The following DNAJC12 variants were observed in gnomAD, a reference collection of about 807,000 sequenced individuals.
DNAJC12 encodes dnaJ homolog subfamily C member 12.
In DNAJC12, 25 loss-of-function variants were observed where a neutral mutation model predicts 28.5. The ratio of observed to expected loss-of-function variants is 0.88; its 90% CI spans 0.64 to 1.22. The LOEUF (loss-of-function observed/expected upper bound fraction) is 1.22, where lower values mean the gene tolerates loss of function less well. Ranked by LOEUF, DNAJC12 falls within the 50% of genes most tolerant of loss-of-function variation. DNAJC12 has a pLI of 0.00. For missense variants in DNAJC12, 222 were observed against 231.7 expected (o/e 0.96, Z 0.27); for synonymous variants, 77 against 80.6 (o/e 0.95, Z 0.24).
At chr10:67,837,857 A>T (rs1842154643) in intron 1 of DNAJC12, 77 bp downstream of exon 1, 2 of 1,158,450 alleles carry the variant, frequency 1.7e-6, no homozygotes, top group African/African-American at 1.6e-5. Flanking sequence ...ATTCAAAGTT[A>T]AAACCTTAAA....
intron 2 of DNAJC12, among the ~76,000 whole-genome samples, chr10:67,817,024 AT>A (rs1415317200): frequency 1.3e-5 from 2 of 151,736 alleles, no homozygotes; most frequent in Non-Finnish European, 2.9e-5. Flanking sequence ...AGGGGAAGGG[AT>A]TTCTGGTGGC....
At chr10:67,807,208 C>T (rs1457100709) in intron 3 of DNAJC12, among the ~76,000 whole-genome samples, 1 of 151,918 alleles carries the variant, frequency 6.6e-6, no homozygotes, top group Non-Finnish European at 1.5e-5. Flanking sequence ...TTGCAGTGAG[C>T]TGGTATCGCA....
At chr10:67,829,249 A>G (rs1299582060) in intron 1 of DNAJC12, among the ~76,000 whole-genome samples, 4 of 152,178 alleles carry the variant, frequency 2.6e-5, no homozygotes, top group Non-Finnish European at 5.9e-5. Context: ...CAAGCCTCTG[A>G]TAAACTCTCC....
intron 4 of DNAJC12, among the ~76,000 whole-genome samples, chr10:67,798,220 G>A (rs995531920): frequency 6.6e-6 from 1 of 151,830 alleles, no homozygotes; most frequent in Non-Finnish European, 1.5e-5. Context: ...AATGAAAGCT[G>A]GTTAAAAGGT....
chr10:67,799,190 A>T (rs2131785650), intron 4 of DNAJC12, among the ~76,000 whole-genome samples: 1 of 152,354 alleles, frequency 6.6e-6, no homozygotes, highest in East Asian at 1.9e-4. Flanking sequence ...ACAGAATAAT[A>T]TATAAAATAC....
intron 4 of DNAJC12, among the ~76,000 whole-genome samples, chr10:67,800,601 G>A (rs1361620667): frequency 6.6e-6 from 1 of 152,156 alleles, no homozygotes; most frequent in South Asian, 2.1e-4. Flanking sequence ...GCAATGCCTA[G>A]GAAGGTAGTG....
chr10:67,827,337 A>C (rs915912202), intron 1 of DNAJC12, among the ~76,000 whole-genome samples: 2 of 149,990 alleles, frequency 1.3e-5, no homozygotes, highest in Admixed American at 1.3e-4. Context: ...CAGTGAGCCA[A>C]GATTTTGACA....
intron 4 of DNAJC12, among the ~76,000 whole-genome samples, chr10:67,803,368 A>T (rs562161146): frequency 6.6e-6 from 1 of 152,182 alleles, no homozygotes; most frequent in Non-Finnish European, 1.5e-5. Flanking sequence ...AAGTGCACAT[A>T]TACACACCTG....
intron 1 of DNAJC12, among the ~76,000 whole-genome samples, chr10:67,823,700 CAA>C (rs11334526): frequency 1.1e-4 from 17 of 147,872 alleles, no homozygotes; most frequent in Non-Finnish European, 1.5e-4. Flanking sequence ...GATCTTATCT[CAA>C]AAAAAAAAAG....
chr10:67,812,389 T>C (rs1247332117), intron 2 of DNAJC12, among the ~76,000 whole-genome samples: 3 of 152,140 alleles, frequency 2.0e-5, no homozygotes, highest in African/African-American at 7.2e-5. Context: ...GCTTTAAGTA[T>C]AATAAATAAC....
intron 2 of DNAJC12, 45 bp downstream of exon 2, chr10:67,823,269 T>C (rs775121129): frequency 6.6e-7 from 1 of 1,520,924 alleles, no homozygotes; most frequent in Non-Finnish European, 9.1e-7. Flanking sequence ...TTTGGTTCTA[T>C]ATACTACTCA....
chr10:67,800,889 G>A (rs1841736638), intron 4 of DNAJC12, among the ~76,000 whole-genome samples: 1 of 151,856 alleles, frequency 6.6e-6, no homozygotes. Context: ...GTTGCAGTGA[G>A]CCGAGGTGGT....
intron 1 of DNAJC12, among the ~76,000 whole-genome samples, chr10:67,833,438 CCT>C (rs3084613): frequency 0.63 from 94,300 of 149,090 alleles, 30,309 homozygotes; most frequent in African/African-American, 0.68. Flanking sequence ...TCTCCCTCTC[CCT>C]CTCTCTCTCT....
chr10:67,815,932 T>A (rs1341394164), intron 2 of DNAJC12: 1 of 395,834 alleles, frequency 2.5e-6, no homozygotes, highest in Non-Finnish European at 4.4e-6. Context: ...AATGTGACCT[T>A]TCTCTTGTTC....
intron 4 of DNAJC12, among the ~76,000 whole-genome samples, chr10:67,798,286 A>T (rs1405471141): frequency 1.3e-5 from 2 of 152,134 alleles, no homozygotes; most frequent in Non-Finnish European, 2.9e-5. Flanking sequence ...AAATGCTCAC[A>T]GCATATTGCT....
intron 2 of DNAJC12, among the ~76,000 whole-genome samples, chr10:67,812,774 C>T (rs917510388): frequency 6.6e-6 from 1 of 151,500 alleles, no homozygotes; most frequent in Non-Finnish European, 1.5e-5. Flanking sequence ...ATTGCTTGAA[C>T]CTGGGAGGCA....
intron 1 of DNAJC12, among the ~76,000 whole-genome samples, chr10:67,829,537 A>G (rs1393878231): frequency 1.3e-5 from 2 of 152,126 alleles, no homozygotes; most frequent in Non-Finnish European, 2.9e-5. Flanking sequence ...GCTACTCCGG[A>G]GGCTGAGGAA....
chr10:67,836,043 T>C (rs1589052423), intron 1 of DNAJC12, among the ~76,000 whole-genome samples: 1 of 152,156 alleles, frequency 6.6e-6, no homozygotes, highest in East Asian at 1.9e-4. Context: ...TTCATGTCCT[T>C]TGCAGGGACA....
chr10:67,797,137 C>A lies in DNAJC12; in HGVS notation c.576G>T (p.Lys192Asn). The A allele has an allele frequency of 1.2e-6, 2 of 1,613,522 alleles. No homozygotes were observed. Among genetic ancestry groups the A allele is most frequent in the Non-Finnish European group, 1.7e-6 (2 of 1,179,696 alleles). The change falls in exon 5 of 5, where the codon AAG becomes AAT. Residue 192 changes from lysine (K) to asparagine (N), a missense_variant. Transcript: ENST00000225171. ...TATTTCATATTTCATAGTTTCTGAA[C>A]TTCCTCAGGAGTTCTGAGGGAGCAT... ...SKDAPSELLR[K>N]FRNYEI
Sources: gnomAD v4.1 joint callset for allele counts (sites outside exome capture counted in the v4.1 genomes callset) on GRCh38, gnomAD v4.1.1 for gene constraint, MANE v1.5 for transcripts, NCBI Gene and HGNC (gene_info 2026-07-23, HGNC 2026-07-21) for gene names.